Variants in TSPAN9 observed in about 807,000 individuals in gnomAD.
TSPAN9 encodes tetraspanin 9, also known as tetraspanin-9.
Under a neutral mutation model 31.0 loss-of-function variants are expected in TSPAN9, and 16 were observed. That is an observed-to-expected ratio of 0.52 (90% CI 0.35 to 0.78). The LOEUF (loss-of-function observed/expected upper bound fraction) is 0.78, where lower values mean the gene tolerates loss of function less well. Among genes scored for constraint, TSPAN9 ranks in the 30% least tolerant of loss-of-function variants. The pLI, the probability that TSPAN9 is intolerant of heterozygous loss-of-function variation, is 0.01. For missense variants in TSPAN9, 272 were observed against 312.5 expected, an observed-to-expected ratio of 0.87 and a Z score of 0.98; for synonymous variants, 145 against 121.6, an observed-to-expected ratio of 1.19 and a Z score of -1.27.
chr12:3,080,358 T>C (rs12811010), intron 1 of TSPAN9, among the ~76,000 whole-genome samples: 87,743 of 152,034 alleles, frequency 0.58, 27,817 homozygotes, highest in Non-Finnish European at 0.69. Context: ...GTTTTTGAGA[T>C]GGAGTCTCAC....
Position 3,221,142 on chromosome 12 carries a change from T to TGCAGGCATTGTTA in TSPAN9, c.63+19887_63+19888insCAGGCATTGTTAG, listed in dbSNP as rs138129053. ...CCAAGACTTTCCAGGCTGTCCTGAC[T>TGCAGGCATTGTTA]GGGCAGTCCTCTTGTTGGGACCACA... is the stretch of plus-strand genomic sequence containing the variant. On this transcript the variant is annotated intron_variant, in intron 3 of 8. Transcript: ENST00000011898. Among the ~76,000 whole-genome samples the TGCAGGCATTGTTA allele has an allele frequency of 9.8e-3, 1,493 of 152,156 alleles. 10 individuals carry two copies. The highest frequency in any genetic ancestry group is 0.041 in the Middle Eastern group (12 of 294).
rs192082451 is a variant in TSPAN9, at chr12:3,192,520, G to A, written c.-17-8657G>A. On this transcript the variant is annotated intron_variant, in intron 2 of 8. Transcript: ENST00000011898. The surrounding 1 kb of genome is among the most constrained non-coding windows in gnomAD (Gnocchi z 4.6). ...GAGTCTGAGGCTTCTGGCATAAGCA[G>A]TGGGGTGAAAACTTAAGCCATTTGT... Among the ~76,000 whole-genome samples, 43 of 152,280 alleles carry A rather than the reference G, an allele frequency of 2.8e-4. No individual in the cohort carries two copies. Among genetic ancestry groups the A allele is most frequent in the African/African-American group, 1.0e-3 (42 of 41,544 alleles).
rs774550505 is a variant in TSPAN9, at chr12:3,168,615, G to A, written c.-17-32562G>A. Reference sequence around the variant, plus strand: ...GTGTGAGTCATTGTCACTTGCTTGTGAAGTGCTGCATCCAATCTCTTTACG... The same window carrying A: ...GTGTGAGTCATTGTCACTTGCTTGTAAAGTGCTGCATCCAATCTCTTTACG... On this transcript the variant is annotated intron_variant, in intron 2 of 8. Transcript: ENST00000011898. The surrounding 1 kb of genome is among the most constrained non-coding windows in gnomAD (Gnocchi z 4.0). Among the ~76,000 whole-genome samples, 51 of 152,190 alleles carry A rather than the reference G, an allele frequency of 3.4e-4. No individual in the cohort carries two copies. Among genetic ancestry groups the A allele is most frequent in the Non-Finnish European group, 6.8e-4 (46 of 68,032 alleles).
chr12:3,282,183 T>A (rs780844603), intron 8 of TSPAN9: 5 of 596,838 alleles, frequency 8.4e-6, no homozygotes, highest in Non-Finnish European at 1.5e-5. Flanking sequence ...CATGGCACAC[T>A]CTCTGTGGTG....
chr12:3,125,994 T>TG (rs747159837), intron 2 of TSPAN9, among the ~76,000 whole-genome samples: 4 of 152,208 alleles, frequency 2.6e-5, no homozygotes, highest in Non-Finnish European at 5.9e-5. Context: ...AGACTTCTGT[T>TG]GCGTTTGTTG....
chr12:3,264,480 G>A (rs142657718), intron 3 of TSPAN9, among the ~76,000 whole-genome samples: 2 of 152,358 alleles, frequency 1.3e-5, no homozygotes, highest in East Asian at 1.9e-4. Flanking sequence ...GCCGCCTCCC[G>A]GAGATGGGTG....
Position 3,159,788 on chromosome 12 carries a change from C to T in TSPAN9, c.-17-41389C>T, listed in dbSNP as rs566499376. Among the ~76,000 whole-genome samples the T allele has an allele frequency of 5.3e-5, 8 of 152,166 alleles. No individual in the cohort carries two copies. The South Asian group carries it at 8.3e-4, about 16-fold the overall frequency. On this transcript the variant is annotated intron_variant, in intron 2 of 8. Transcript: ENST00000011898. ...ACAACGTGAAGACGTAGGGAGAAGA[C>T]GGCTATCTACAAGCCAAGAACAGAG...
At chr12:3,130,700 T>G (rs1009242437) in intron 2 of TSPAN9, among the ~76,000 whole-genome samples, 18 of 152,082 alleles carry the variant, frequency 1.2e-4, no homozygotes, top group African/African-American at 4.3e-4. Flanking sequence ...CACAGAGATG[T>G]GCAGAGTCAG....
At chr12:3,144,455 C>T (rs1226515608) in intron 2 of TSPAN9, among the ~76,000 whole-genome samples, 8 of 152,134 alleles carry the variant, frequency 5.3e-5, no homozygotes, top group East Asian at 3.8e-4. Flanking sequence ...ATGACAGAGA[C>T]GGAGGCACAG....
At chr12:3,122,684 G>A (rs1326513143) in intron 2 of TSPAN9, among the ~76,000 whole-genome samples, 4 of 152,184 alleles carry the variant, frequency 2.6e-5, no homozygotes, top group Admixed American at 2.6e-4. Flanking sequence ...CTGTCTGAAT[G>A]TGCTCCTGCA....
In TSPAN9 at chr12:3,188,902, G is replaced by A. The variant is rs576248374; in HGVS notation, c.-17-12275G>A. Among the ~76,000 whole-genome samples the A allele has an allele frequency of 2.0e-5, 3 of 152,252 alleles. No individual in the cohort carries two copies. The South Asian group carries it at 6.2e-4, about 32-fold the overall frequency. ...GAGGTGAGTATGTGTGGTGAAGGTG[G>A]GGGTGAGGCTCGGGGGCTCTGTGCA... On this transcript the variant is annotated intron_variant, in intron 2 of 8. Transcript: ENST00000011898.
At chr12:3,110,172 G>A (rs999903918) in intron 2 of TSPAN9, among the ~76,000 whole-genome samples, 6 of 152,062 alleles carry the variant, frequency 3.9e-5, no homozygotes, top group African/African-American at 1.4e-4. Context: ...CTTAGTCTGT[G>A]GACTGAGGAA....
At chr12:3,198,395 T>C (rs111170721) in intron 2 of TSPAN9, among the ~76,000 whole-genome samples, 7,427 of 52,604 alleles carry the variant, frequency 0.14, 900 homozygotes, top group African/African-American at 0.27. Flanking sequence ...CCAGCACAGG[T>C]CACCACCAGC....
intron 3 of TSPAN9, among the ~76,000 whole-genome samples, chr12:3,243,692 T>A (rs958978856): frequency 2.3e-4 from 35 of 152,082 alleles, no homozygotes; most frequent in Non-Finnish European, 7.4e-5. Context: ...GGTGACAGCG[T>A]AGGGGTTGAC....
chr12:3,268,988 CCG>C (rs1451467948), intron 3 of TSPAN9, among the ~76,000 whole-genome samples: 1 of 105,484 alleles, frequency 9.5e-6, no homozygotes, highest in African/African-American at 4.2e-5. Context: ...AGCCTGCCCT[CCG>C]TGCGTTCCTG....
intron 2 of TSPAN9, among the ~76,000 whole-genome samples, chr12:3,140,353 A>T (rs687436): frequency 6.6e-6 from 1 of 152,158 alleles, no homozygotes; most frequent in Non-Finnish European, 1.5e-5. Flanking sequence ...ATCGAACAAG[A>T]TACGGGCCAG....
Position 3,283,249 on chromosome 12 carries a change from A to C in TSPAN9, c.*133A>C. On this transcript the variant is annotated 3_prime_UTR_variant, in exon 9 of 9. Transcript: ENST00000011898. ...CCCCACAGCCTGCCCTACCCCACCT[A>C]CCCTGCCTCAGCCTCGGACTTCTCA... 5 of 851,504 alleles carry C rather than the reference A, an allele frequency of 5.9e-6. No homozygotes were observed. The highest frequency in any genetic ancestry group is 7.0e-6 in the Non-Finnish European group (4 of 571,780). The allele number at this position is 851,504 out of a possible 1,614,324, so 52.7% of individuals were successfully genotyped here.
At chr12:3,100,096 G>A (rs2098311162) in intron 2 of TSPAN9, among the ~76,000 whole-genome samples, 1 of 152,036 alleles carries the variant, frequency 6.6e-6, no homozygotes, top group African/African-American at 2.4e-5. Flanking sequence ...CGCCCGCCTC[G>A]GCCTCCCAAA....
intron 2 of TSPAN9, among the ~76,000 whole-genome samples, chr12:3,165,789 T>G (rs553595707): frequency 1.3e-5 from 2 of 152,338 alleles, no homozygotes; most frequent in African/African-American, 2.4e-5. Flanking sequence ...CCTAGTATTC[T>G]CGTCCTGCTG....
Sources: gnomAD v4.1 joint callset for allele counts (sites outside exome capture counted in the v4.1 genomes callset) on GRCh38, gnomAD v4.1.1 for gene constraint, Gnocchi (gnomAD v3.1) non-coding constraint, MANE v1.5 for transcripts, NCBI Gene and HGNC (gene_info 2026-07-23, HGNC 2026-07-21) for gene names.